SYNPR: variants seen among roughly 807,000 people sequenced by gnomAD.
The protein encoded by SYNPR is synaptoporin.
In SYNPR, 23 loss-of-function variants were observed where a neutral mutation model predicts 32.9. The observed-to-expected ratio is 0.70, with a 90% CI of 0.50 to 0.99. The LOEUF is 0.99. SYNPR is among the 50% of genes least tolerant of loss of function. The pLI is 0.00. For synonymous variants in SYNPR, 146 were observed against 135.9 expected (o/e 1.07, Z -0.52); for missense variants, 318 against 349.3 (o/e 0.91, Z 0.71).
chr3:63,338,499 G>T (rs996003297), intron 2 of SYNPR, among the ~76,000 whole-genome samples: 7 of 152,110 alleles, frequency 4.6e-5, no homozygotes, highest in African/African-American at 1.7e-4. Flanking sequence ...ACTGCCTTTG[G>T]ATTCAAATCC....
intron 2 of SYNPR, chr3:63,427,287 T>C (rs1392090908): frequency 3.9e-5 from 6 of 152,108 alleles, no homozygotes; most frequent in African/African-American, 1.2e-4. Flanking sequence ...AAACCATTTC[T>C]TGGCATATTT....
At chr3:63,510,266 T>C (rs2106752396) in intron 3 of SYNPR, among the ~76,000 whole-genome samples, 1 of 152,320 alleles carries the variant, frequency 6.6e-6, no homozygotes, top group South Asian at 2.1e-4. Flanking sequence ...ACCCTATCAC[T>C]GTATAATGAT....
intron 2 of SYNPR, among the ~76,000 whole-genome samples, chr3:63,259,230 G>GCATCAT (rs2086416316): frequency 6.6e-6 from 1 of 152,126 alleles, no homozygotes; most frequent in African/African-American, 2.4e-5. Flanking sequence ...TATGAGGCCA[G>GCATCAT]CATCATCCTG....
chr3:63,571,784 T>C (rs1039803987), intron 4 of SYNPR, among the ~76,000 whole-genome samples: 2 of 152,150 alleles, frequency 1.3e-5, no homozygotes, highest in Non-Finnish European at 2.9e-5. Flanking sequence ...GTAAAACTAA[T>C]GAAATTTTTC....
At chr3:63,477,732 TG>T (rs148482366) in intron 2 of SYNPR, among the ~76,000 whole-genome samples, 6,685 of 152,266 alleles carry the variant, frequency 0.044, 173 homozygotes, top group South Asian at 0.098. Flanking sequence ...GGCTCCCCAC[TG>T]TCCATCTGCT....
intron 2 of SYNPR, among the ~76,000 whole-genome samples, chr3:63,392,846 C>T (rs956717551): frequency 7.9e-5 from 12 of 152,134 alleles, no homozygotes; most frequent in African/African-American, 2.7e-4. Context: ...AAAAACTGCA[C>T]TGAAGGCTCA....
intron 2 of SYNPR, among the ~76,000 whole-genome samples, chr3:63,357,659 A>G (rs773234295): frequency 1.3e-5 from 2 of 152,148 alleles, no homozygotes; most frequent in African/African-American, 2.4e-5. Flanking sequence ...CTAGGTTCTG[A>G]GACTCAGGAG....
intron 3 of SYNPR, among the ~76,000 whole-genome samples, chr3:63,494,457 A>G (rs1701326326): frequency 5.7e-5 from 8 of 139,370 alleles, no homozygotes; most frequent in African/African-American, 2.2e-4. Context: ...ACACATATAT[A>G]TACATATATA....
At chr3:63,395,990 T>A (rs187193306) in intron 2 of SYNPR, among the ~76,000 whole-genome samples, 1 of 152,332 alleles carries the variant, frequency 6.6e-6, no homozygotes, top group East Asian at 1.9e-4. Flanking sequence ...AAAGCAATGG[T>A]TAGCCCATAG....
At chr3:63,401,785 C>T (rs1234438140) in intron 2 of SYNPR, among the ~76,000 whole-genome samples, 1 of 152,148 alleles carries the variant, frequency 6.6e-6, no homozygotes, top group Non-Finnish European at 1.5e-5. Flanking sequence ...TGAATGTGGC[C>T]TTGGGAATCC....
intron 3 of SYNPR, among the ~76,000 whole-genome samples, chr3:63,515,991 T>C (rs1701791835): frequency 6.6e-6 from 1 of 152,096 alleles, no homozygotes; most frequent in Non-Finnish European, 1.5e-5. Context: ...TTTCCAACAA[T>C]GAATTCGGCT....
chr3:63,407,425 C>T (rs1289034910), intron 2 of SYNPR, among the ~76,000 whole-genome samples: 7 of 152,130 alleles, frequency 4.6e-5, no homozygotes, highest in Non-Finnish European at 8.8e-5. Flanking sequence ...TCAGCCAATC[C>T]AGATTCAAAT....
intron 4 of SYNPR, among the ~76,000 whole-genome samples, chr3:63,606,085 T>G (rs562656884): frequency 1.1e-4 from 16 of 152,226 alleles, no homozygotes; most frequent in Non-Finnish European, 2.2e-4. Context: ...GGGTTACTGT[T>G]ATTATTTCAA....
intron 3 of SYNPR, among the ~76,000 whole-genome samples, chr3:63,501,539 A>T (rs962190609): frequency 1.3e-5 from 2 of 151,476 alleles, no homozygotes; most frequent in East Asian, 3.9e-4. Flanking sequence ...AAAATAATAG[A>T]ATAGAAAAGA....
At position 63,610,883 on chromosome 3, in the gene SYNPR, C is replaced by T. The variant is rs141327499; in HGVS notation, c.600+1567C>T. Among the ~76,000 whole-genome samples the T allele has an allele frequency of 3.4e-3, 521 of 152,186 alleles. 2 individuals carry two copies. The highest frequency in any genetic ancestry group is 3.8e-3 in the Non-Finnish European group (258 of 68,008). On this transcript the variant is annotated intron_variant, in intron 5 of 5. Coordinates refer to ENST00000478300, the MANE Select transcript of SYNPR (RefSeq NM_001130003.2). ...AAAGATGGAAATTATGAATGAAAAACAATGTGATGTGTCTCCTAAAACCAA... is the reference window on the plus strand; with the variant it reads ...AAAGATGGAAATTATGAATGAAAAATAATGTGATGTGTCTCCTAAAACCAA...
rs1700189799 is a variant in SYNPR, at chr3:63,611,038, G to T, written c.600+1722G>T. 2.6e-5 allele frequency among the ~76,000 whole-genome samples: 4 copies of T among 152,272 alleles called. No individual in the cohort carries two copies. The South Asian group carries it at 8.3e-4, about 32-fold the overall frequency. On this transcript the variant is annotated intron_variant, in intron 5 of 5. Coordinates refer to ENST00000478300, the MANE Select transcript of SYNPR (RefSeq NM_001130003.2). ...GTGACAGAAAACTCAATTCAAACTG[G>T]CTAAGGCAAACCAATCCTCATATCC...
intron 2 of SYNPR, among the ~76,000 whole-genome samples, chr3:63,286,282 G>A (rs920975191): frequency 2.1e-5 from 3 of 142,352 alleles, no homozygotes; most frequent in African/African-American, 7.9e-5. Flanking sequence ...TTGGCCTTCA[G>A]GGGTTTGTCG....
At chr3:63,490,857 A>G (rs1206093914) in intron 3 of SYNPR, among the ~76,000 whole-genome samples, 2 of 151,930 alleles carry the variant, frequency 1.3e-5, no homozygotes, top group African/African-American at 2.4e-5. Context: ...CTGCCTCCCT[A>G]GTTAAAGTGA....
intron 2 of SYNPR, among the ~76,000 whole-genome samples, chr3:63,376,387 G>A (rs116683244): frequency 0.011 from 1,624 of 152,100 alleles, 35 homozygotes; most frequent in African/African-American, 0.037. Flanking sequence ...TGGCTTCCTC[G>A]TACTTAGGAT....
Sources: gnomAD v4.1 joint callset for allele counts (sites outside exome capture counted in the v4.1 genomes callset) on GRCh38, gnomAD v4.1.1 for gene constraint, MANE v1.5 for transcripts, NCBI Gene and HGNC (gene_info 2026-07-23, HGNC 2026-07-21) for gene names.